Variants in FANCA observed in about 807,000 individuals in gnomAD.
The protein encoded by FANCA is FA complementation group A, also known as Fanconi anemia group A protein.
In FANCA, 236 loss-of-function variants were observed where a neutral mutation model predicts 194.3. That is an observed-to-expected ratio of 1.21 (90% confidence interval 1.09 to 1.35). The LOEUF is 1.35. Among genes scored for constraint, FANCA ranks in the 40% most tolerant of loss-of-function variants. FANCA has a pLI of 0.00. For synonymous variants in FANCA, 1,014 were observed against 715.8 expected, an observed-to-expected ratio of 1.42 and a Z score of -6.65; for missense variants, 2,628 against 1,813.9, an observed-to-expected ratio of 1.45 and a Z score of -8.15.
At chr16:89,795,833 C>T (rs1598159060) in intron 11 of FANCA, 73 bp downstream of exon 11, 7 of 1,082,488 alleles carry the variant, frequency 6.5e-6, no homozygotes, top group East Asian at 2.4e-5. Context: ...CTCCAGTCAG[C>T]GTTACCAAGG....
At chr16:89,766,779 G>T (rs960191973) in intron 27 of FANCA, among the ~76,000 whole-genome samples, 3 of 151,990 alleles carry the variant, frequency 2.0e-5, no homozygotes, top group Non-Finnish European at 4.4e-5. Flanking sequence ...AGAGGAATAA[G>T]AATTCTTCTT....
intron 2 of FANCA, 152 bp from the exon 3 acceptor site, chr16:89,814,765 A>T: frequency 1.6e-6 from 1 of 624,794 alleles, no homozygotes; most frequent in Middle Eastern, 3.6e-4. Context: ...ACATAGTGAA[A>T]CCCTGTCTCT....
At chr16:89,768,031 C>T (rs2039191541) in intron 26 of FANCA, among the ~76,000 whole-genome samples, 1 of 152,266 alleles carries the variant, frequency 6.6e-6, no homozygotes, top group South Asian at 2.1e-4. Flanking sequence ...TACTCTGATG[C>T]CCAGGCTGGA....
rs34491278 is a variant in FANCA at position 89,810,963 on chromosome 16, G to T, written c.392C>A (p.Thr131Asn). The T allele has an allele frequency of 8.1e-6, 13 of 1,614,098 alleles. No homozygotes were observed. In the South Asian group the frequency reaches 1.3e-4, roughly 16 times the overall value. Residue 131 changes from threonine (T) to asparagine (N), a missense_variant, in exon 4 of 43, where the codon ACC becomes AAC. Coordinates refer to ENST00000389301, the MANE Select transcript of FANCA (RefSeq NM_000135.4). ...VGQICTAPAE[T>N]SHPVLLTVEQ... ...CACAGTCAGCAGCACAGGGTGACTG[G>T]TCTCCGCTGGAGCCGTGCAGATCTG...
chr16:89,799,188 T>C lies in FANCA; in HGVS notation c.871A>G (p.Thr291Ala), dbSNP rs745962628. Residue 291 changes from threonine to alanine, a missense_variant, in exon 10 of 43, where the codon ACT becomes GCT. Physicochemically the swap from Thr to Ala is moderately conservative, Grantham distance 58. Coordinates refer to ENST00000389301, the MANE Select transcript of FANCA (RefSeq NM_000135.4). ...TACCAGCACCTCACGATCTTGTGAG[T>C]GGAGGACTCCTCCTGTACTCCAGCA... The part of the protein sequence containing the change: ...LAAGVQEESS[T>A]HKIVRCWFGV... The C allele has an allele frequency of 9.3e-6, 15 of 1,614,106 alleles. No individual in the cohort carries two copies. The highest frequency in any genetic ancestry group is 2.2e-5 in the East Asian group (1 of 44,884).
intron 3 of FANCA, among the ~76,000 whole-genome samples, chr16:89,814,311 C>G (rs2041016394): frequency 6.6e-6 from 1 of 152,152 alleles, no homozygotes; most frequent in South Asian, 2.1e-4. Flanking sequence ...TTCTGAGTCG[C>G]AGGTTGAATC....
chr16:89,813,263 C>A (rs1363469101), intron 3 of FANCA, among the ~76,000 whole-genome samples: 1 of 151,808 alleles, frequency 6.6e-6, no homozygotes, highest in East Asian at 1.9e-4. Context: ...AAAAAATTAG[C>A]CAGGCATGGT....
In FANCA at chr16:89,781,444, C is replaced by T. The variant is rs138543164; in HGVS notation, c.1626+1415G>A. ...ATCCCAGGACTTTGGGAGGCCAAGG[C>T]GGGCAGATCACGAGGTCAGGAGATT... On this transcript the variant is annotated intron_variant, in intron 17 of 42. Coordinates refer to ENST00000389301, the MANE Select transcript of FANCA (RefSeq NM_000135.4). Among the ~76,000 whole-genome samples, 488 of 147,410 alleles carry T rather than the reference C, an allele frequency of 3.3e-3. 2 individuals are homozygous for T. Among genetic ancestry groups the T allele is most frequent in the African/African-American group, 0.012 (459 of 39,530 alleles).
chr16:89,756,400 G>A (rs1598088087), intron 30 of FANCA, among the ~76,000 whole-genome samples: 1 of 152,122 alleles, frequency 6.6e-6, no homozygotes, highest in African/African-American at 2.4e-5. Context: ...AGGCCGAGGC[G>A]GGCAGATCAC....
chr16:89,773,249 A>G, intron 22 of FANCA, 22 bp downstream of exon 22: 1 of 1,523,706 alleles, frequency 6.6e-7, no homozygotes. Flanking sequence ...GAGACACAGC[A>G]TGAGCTCCCA....
chr16:89,791,549 C>G lies in FANCA; in HGVS notation c.1226-13G>C, dbSNP rs377159744. 516 of 1,613,936 alleles carry G rather than the reference C, an allele frequency of 3.2e-4. No individual in the cohort carries two copies. The highest frequency in any genetic ancestry group is 4.1e-4 in the Non-Finnish European group (486 of 1,180,008). Reference sequence around the variant, plus strand: ...CGCGCCACCCAGTCTAGTTAAGAACCATGACATAGTCACAGCAAGGCAAGG... The same window carrying G: ...CGCGCCACCCAGTCTAGTTAAGAACGATGACATAGTCACAGCAAGGCAAGG... On this transcript the variant is annotated splice_polypyrimidine_tract_variant and intron_variant, in intron 13 of 42. Coordinates refer to ENST00000389301, the MANE Select transcript of FANCA (RefSeq NM_000135.4).
At chr16:89,768,815 TAA>T (rs2039217842) in intron 26 of FANCA, among the ~76,000 whole-genome samples, 1 of 152,224 alleles carries the variant, frequency 6.6e-6, no homozygotes. Flanking sequence ...TCTGTGTTTC[TAA>T]GAGAGGATGG....
In FANCA at chr16:89,737,695, A is replaced by T. The variant is rs1242887366; in HGVS notation, c.*906T>A. The stretch of plus-strand genomic sequence containing the variant: ...CCTTGCTTGGGCCCACTGCATGGTG[A>T]ACCATGTGCAGAAATGTCTTCCCAG... On this transcript the variant is annotated 3_prime_UTR_variant, in exon 43 of 43. Coordinates refer to ENST00000389301, the MANE Select transcript of FANCA (RefSeq NM_000135.4). 7.6e-5 allele frequency: 120 copies of T among 1,570,856 alleles called. No individual in the cohort carries two copies. Among genetic ancestry groups the T allele is most frequent in the Non-Finnish European group, 9.4e-5 (109 of 1,156,202 alleles).
intron 38 of FANCA, chr16:89,740,411 C>T (rs916681089): frequency 2.4e-5 from 11 of 466,950 alleles, no homozygotes; most frequent in East Asian, 7.8e-5. Context: ...AGGCCGAGGT[C>T]GGCGGATCAC....
chr16:89,793,130 T>A (rs12598546), intron 11 of FANCA, among the ~76,000 whole-genome samples: 1 of 151,870 alleles, frequency 6.6e-6, no homozygotes, highest in Admixed American at 6.6e-5. Flanking sequence ...CCACAAGAGG[T>A]GGAGGAGCAG....
chr16:89,793,100 C>G (rs915125854), intron 11 of FANCA, among the ~76,000 whole-genome samples: 5 of 152,148 alleles, frequency 3.3e-5, no homozygotes, highest in Non-Finnish European at 7.4e-5. Flanking sequence ...TGTGGGTGAG[C>G]CTGACTGATG....
chr16:89,759,791 A>T (rs748632979), intron 29 of FANCA, among the ~76,000 whole-genome samples: 4 of 152,166 alleles, frequency 2.6e-5, no homozygotes, highest in Non-Finnish European at 5.9e-5. Flanking sequence ...AGTGCACAGA[A>T]CCATCAATAC....
rs374579239 is a variant in FANCA, at chr16:89,783,122, C to T, written c.1471-20G>A. ...GTGCACCTGAGGATAGATAGCAGAGCGCAGCACCGTTAGTCTGGGAACTGC... is the reference window on the plus strand; with the variant it reads ...GTGCACCTGAGGATAGATAGCAGAGTGCAGCACCGTTAGTCTGGGAACTGC... On this transcript the variant is annotated intron_variant, in intron 15 of 42. Transcript: ENST00000389301. The T allele has an allele frequency of 8.9e-5, 141 of 1,584,888 alleles. 1 individual carries two copies. Among genetic ancestry groups the T allele is most frequent in the African/African-American group, 1.2e-4 (9 of 73,674 alleles).
chr16:89,752,095 T>C (rs1441835070), intron 31 of FANCA, 43 bp downstream of exon 31: 4 of 1,554,698 alleles, frequency 2.6e-6, no homozygotes, highest in African/African-American at 2.7e-5. Flanking sequence ...GCACGCGGCT[T>C]AAATGAAGTG....
Sources: gnomAD v4.1 joint callset for allele counts (sites outside exome capture counted in the v4.1 genomes callset) on GRCh38, gnomAD v4.1.1 for gene constraint, MANE v1.5 for transcripts, NCBI Gene and HGNC (gene_info 2026-07-23, HGNC 2026-07-21) for gene names.